The following CFAP43 variants were observed in gnomAD, a reference collection of about 807,000 sequenced individuals.
The protein encoded by CFAP43 is cilia- and flagella-associated protein 43.
In CFAP43, 155 loss-of-function variants were observed where a neutral mutation model predicts 218.9. The observed-to-expected ratio is 0.71, with a 90% CI of 0.62 to 0.81. The LOEUF (loss-of-function observed/expected upper bound fraction) is 0.81, where lower values mean the gene tolerates loss of function less well. CFAP43 is among the 30% of genes least tolerant of loss of function. CFAP43 has a pLI of 0.00. For missense variants in CFAP43, 1,778 were observed against 1,954.3 expected, an observed-to-expected ratio of 0.91 and a Z score of 1.70; for synonymous variants, 645 against 681.3, an observed-to-expected ratio of 0.95 and a Z score of 0.83.
At chr10:104,164,547 G>A (rs776074914) in intron 23 of CFAP43, among the ~76,000 whole-genome samples, 25 of 152,120 alleles carry the variant, frequency 1.6e-4, no homozygotes, top group Non-Finnish European at 3.1e-4. Context: ...ACAGGTGCCC[G>A]CTACCACGCC....
chr10:104,183,800 T>C (rs1006023095), intron 16 of CFAP43, among the ~76,000 whole-genome samples: 54 of 152,344 alleles, frequency 3.5e-4, no homozygotes, highest in African/African-American at 1.2e-3. Flanking sequence ...AGCACTTGTT[T>C]GTTGTTGCCT....
intron 35 of CFAP43, chr10:104,133,364 C>A: frequency 3.2e-6 from 1 of 317,118 alleles, no homozygotes; most frequent in Non-Finnish European, 5.7e-6. Context: ...TTAAATGCTA[C>A]AGAGAATTGA....
At chr10:104,183,040 G>C (rs2089906549) in intron 16 of CFAP43, among the ~76,000 whole-genome samples, 1 of 152,142 alleles carries the variant, frequency 6.6e-6, no homozygotes, top group African/African-American at 2.4e-5. Flanking sequence ...TGCACTGGCT[G>C]AGCTCTCGGA....
At chr10:104,180,502 G>A (rs1365210178) in intron 17 of CFAP43, among the ~76,000 whole-genome samples, 1 of 147,292 alleles carries the variant, frequency 6.8e-6, no homozygotes, top group Admixed American at 6.8e-5. Context: ...CTGGAGTGCA[G>A]TGGTATGATC....
chr10:104,232,001 G>T (rs543898635), intron 1 of CFAP43, among the ~76,000 whole-genome samples, 181 bp downstream of exon 1: 28 of 151,928 alleles, frequency 1.8e-4, no homozygotes, highest in Non-Finnish European at 3.5e-4. Context: ...AGGGGATGGG[G>T]AGCGGACAGG....
At chr10:104,217,069 C>A (rs986506345) in intron 3 of CFAP43, among the ~76,000 whole-genome samples, 7 of 152,222 alleles carry the variant, frequency 4.6e-5, no homozygotes, top group Non-Finnish European at 8.8e-5. Flanking sequence ...ATGTTTATCT[C>A]CAGCCCTCTC....
Position 104,212,085 on chromosome 10 carries a change from C to T in CFAP43, c.657G>A (p.Pro219=), listed in dbSNP as rs759414492. The T allele has an allele frequency of 6.2e-6, 10 of 1,613,910 alleles. No homozygotes were observed. The highest frequency in any genetic ancestry group is 2.7e-5 in the African/African-American group (2 of 75,028). ...ETDVVFPQSL[P]KDLIYGPVLP... is the part of the protein sequence containing the mutation. Reference sequence around the variant, plus strand: ...GCACGGGACCATAGATGAGATCTTTCGGCAACGACTGGGGGAAAACGACAT... The same window carrying T: ...GCACGGGACCATAGATGAGATCTTTTGGCAACGACTGGGGGAAAACGACAT... Residue 219 remains proline, a synonymous_variant, in exon 5 of 38, where the codon CCG becomes CCA. Transcript: ENST00000357060.
At chr10:104,219,989 C>T (rs531437579) in intron 3 of CFAP43, among the ~76,000 whole-genome samples, 121 of 152,216 alleles carry the variant, frequency 7.9e-4, no homozygotes, top group African/African-American at 2.9e-3. Context: ...CAGAATGTGA[C>T]CTTATTTGGA....
At chr10:104,142,452 T>A in intron 32 of CFAP43, 59 bp from the exon 33 acceptor site, 3 of 1,297,104 alleles carry the variant, frequency 2.3e-6, no homozygotes, top group Non-Finnish European at 3.2e-6. Flanking sequence ...TTAGACAACA[T>A]ACATCTTTTA....
chr10:104,148,585 G>T (rs949934992), intron 28 of CFAP43, among the ~76,000 whole-genome samples: 53 of 152,122 alleles, frequency 3.5e-4, no homozygotes, highest in African/African-American at 1.3e-3. Context: ...TACTCTATTA[G>T]TTCCCCTGAG....
At chr10:104,132,514 G>A (rs2087245644) in intron 35 of CFAP43, 2 of 440,040 alleles carry the variant, frequency 4.5e-6, no homozygotes, top group African/African-American at 4.3e-5. Context: ...CTCCGGGAGG[G>A]TGAGGCAGGA....
chr10:104,173,199 T>C (rs911140905), intron 19 of CFAP43, among the ~76,000 whole-genome samples: 6 of 152,196 alleles, frequency 3.9e-5, no homozygotes, highest in African/African-American at 1.2e-4. Flanking sequence ...AGACTGAGAA[T>C]GAGTTTAACA....
At chr10:104,203,041 T>A (rs1176354410) in intron 8 of CFAP43, among the ~76,000 whole-genome samples, 2 of 152,208 alleles carry the variant, frequency 1.3e-5, no homozygotes, top group East Asian at 3.8e-4. Context: ...TTTGTTTTAA[T>A]CTTGCAATAA....
At chr10:104,185,494 G>A (rs898468331) in intron 15 of CFAP43, among the ~76,000 whole-genome samples, 2 of 151,962 alleles carry the variant, frequency 1.3e-5, no homozygotes, top group Admixed American at 6.6e-5. Context: ...GGTGAGTTCC[G>A]ATGGCTTCAA....
intron 19 of CFAP43, among the ~76,000 whole-genome samples, chr10:104,174,174 C>T (rs549228698): frequency 1.3e-5 from 2 of 152,214 alleles, no homozygotes; most frequent in South Asian, 2.1e-4. Flanking sequence ...TTCACATATA[C>T]CAATAATATA....
In CFAP43 at chr10:104,159,950, A is replaced by C. The variant is rs1037706208; in HGVS notation, c.3540+1087T>G. Among the ~76,000 whole-genome samples, 11 of 152,200 alleles carry C rather than the reference A, an allele frequency of 7.2e-5. No individual in the cohort carries two copies. The East Asian group carries it at 7.7e-4, about 11-fold the overall frequency. ...GTGTGAGAGCACTTGGCTAGGGGAA[A>C]AATGGAGTAGCATTGCGGACCAGCT... On this transcript the variant is annotated intron_variant, in intron 27 of 37. Coordinates refer to ENST00000357060, the MANE Select transcript of CFAP43 (RefSeq NM_025145.7).
chr10:104,178,325 G>T (rs992125825), intron 19 of CFAP43, among the ~76,000 whole-genome samples: 3 of 152,160 alleles, frequency 2.0e-5, no homozygotes, highest in Non-Finnish European at 4.4e-5. Flanking sequence ...GAATTTGTTA[G>T]CATTTTGAGT....
intron 3 of CFAP43, among the ~76,000 whole-genome samples, chr10:104,222,928 G>A (rs2091220846): frequency 6.6e-6 from 1 of 152,224 alleles, no homozygotes; most frequent in Non-Finnish European, 1.5e-5. Context: ...CTCTAGGATA[G>A]GGGTTGGCAA....
intron 20 of CFAP43, among the ~76,000 whole-genome samples, chr10:104,171,369 C>T (rs951154486): frequency 1.3e-5 from 2 of 152,202 alleles, no homozygotes; most frequent in African/African-American, 4.8e-5. Context: ...CATTTCCTCA[C>T]CTTCTCAGTC....
Sources: allele counts gnomAD v4.1 joint callset (sites outside exome capture counted in the v4.1 genomes callset), GRCh38; gene constraint gnomAD v4.1.1; transcripts MANE v1.5; gene names NCBI Gene and HGNC (gene_info 2026-07-23, HGNC 2026-07-21).